RLN1: variants seen among roughly 807,000 people sequenced by gnomAD.
The protein encoded by RLN1 is prorelaxin H1.
Under a neutral mutation model 7.2 loss-of-function variants are expected in RLN1, and 4 were observed. The ratio of observed to expected loss-of-function variants is 0.56; its 90% CI spans 0.28 to 1.28. The LOEUF (loss-of-function observed/expected upper bound fraction) is 1.28, where lower values mean the gene tolerates loss of function less well. Ranked by LOEUF, RLN1 falls within the 50% of genes most tolerant of loss-of-function variation. The pLI is 0.11. For synonymous variants in RLN1, 105 were observed against 86.0 expected (o/e 1.22, Z -1.22); for missense variants, 293 against 221.1 (o/e 1.32, Z -2.06).
upstream of RLN1, among the ~76,000 whole-genome samples, chr9:5,340,154 C>T (rs1036171687): frequency 6.6e-6 from 1 of 152,138 alleles, no homozygotes; most frequent in Admixed American, 6.5e-5. Flanking sequence ...TTCTTACAAC[C>T]CAGTTTTCCA....
chr9:5,339,251 G>A, intron 1 of RLN1: 2 of 269,040 alleles, frequency 7.4e-6, no homozygotes, highest in Non-Finnish European at 1.3e-5. Flanking sequence ...CCGTCGCTCT[G>A]ACTGCCTTAC....
rs1295119730 is a variant in RLN1 at position 5,335,320 on chromosome 9, G to T, written c.489C>A (p.Pro163=). The change falls in exon 2 of 2, where the codon CCC becomes CCA. Residue 163 remains proline, a synonymous_variant. Transcript: ENST00000223862. ...AACATTTCTCAAACAGTGCCACGTA[G>T]GGTCGTCTCTTTTTTTGAGAATGAG... is the stretch of plus-strand genomic sequence containing the variant. The part of the protein sequence containing the change: ...LDTHSQKKRR[P]YVALFEKCCL... The T allele has an allele frequency of 6.2e-7, 1 of 1,611,818 alleles. No individual in the cohort carries two copies. Among genetic ancestry groups the T allele is most frequent in the Admixed American group, 1.7e-5 (1 of 59,606 alleles).
At chr9:5,336,588 C>CA (rs1287755604) in intron 1 of RLN1, among the ~76,000 whole-genome samples, 2 of 152,126 alleles carry the variant, frequency 1.3e-5, no homozygotes, top group African/African-American at 4.8e-5. Context: ...TTCTTGCTGT[C>CA]AAAAAACTTA....
At chr9:5,336,407 C>A (rs749633474) in intron 1 of RLN1, among the ~76,000 whole-genome samples, 1 of 152,026 alleles carries the variant, frequency 6.6e-6, no homozygotes, top group African/African-American at 2.4e-5. Context: ...TGTTCTTACA[C>A]AGCATCCCAG....
chr9:5,337,532 G>C (rs1271548957), intron 1 of RLN1, among the ~76,000 whole-genome samples: 1 of 151,962 alleles, frequency 6.6e-6, no homozygotes, highest in Non-Finnish European at 1.5e-5. Context: ...AAGGGATGCA[G>C]TGAATATTAC....
chr9:5,335,623 T>A, intron 1 of RLN1, 26 bp from the exon 2 acceptor site: 1 of 1,470,636 alleles, frequency 6.8e-7, no homozygotes, highest in Non-Finnish European at 9.4e-7. Context: ...AAAAAGTGTA[T>A]GTGAAGGCGT....
chr9:5,334,953 GTTA>G lies in RLN1; in HGVS notation c.*295_*297del, dbSNP rs1323949683. On this transcript the variant is annotated 3_prime_UTR_variant, in exon 2 of 2. Transcript: ENST00000223862. ...TGTAACTGTTGTTAGGTACTGTATT[GTTA>G]TTATGTATGGTTAAAGTGGCAAAGG... 3.9e-6 allele frequency: 1 copy of G among 254,736 alleles called. No homozygotes were observed. Among genetic ancestry groups the G allele is most frequent in the Non-Finnish European group, 7.4e-6 (1 of 135,820 alleles). The allele number at this position is 254,736 out of a possible 1,614,324, so 15.8% of individuals were successfully genotyped here.
At chr9:5,340,222 A>G (rs1816964444), upstream of RLN1, among the ~76,000 whole-genome samples, 1 of 152,328 alleles carries the variant, frequency 6.6e-6, no homozygotes, top group Admixed American at 6.5e-5. Context: ...TTACCTTATA[A>G]ATTGGATTAA....
Position 5,335,538 on chromosome 9 carries a change from T to C in RLN1, c.271A>G (p.Ile91Val), listed in dbSNP as rs758664795. ...TTCAGCTCCGGTGGCAAATTAGCAA[T>C]GAATTCCAACATGATAATTATAGTT... ...TETIIIMLEF[I>V]ANLPPELKAA... The change falls in exon 2 of 2, where the codon ATT becomes GTT. Residue 91 changes from isoleucine to valine, a missense_variant. Transcript: ENST00000223862. 3 of 1,612,938 alleles carry C rather than the reference T, an allele frequency of 1.9e-6. No homozygotes were observed. Among genetic ancestry groups the C allele is most frequent in the Non-Finnish European group, 1.7e-6 (2 of 1,179,360 alleles).
chr9:5,339,450 G>T, intron 1 of RLN1, 86 bp downstream of exon 1: 2 of 861,518 alleles, frequency 2.3e-6, no homozygotes, highest in Non-Finnish European at 3.6e-6. Context: ...CGAGTCGGAC[G>T]TGCAGGCCGC....
At chr9:5,337,672 G>A (rs780353345) in intron 1 of RLN1, among the ~76,000 whole-genome samples, 8 of 151,904 alleles carry the variant, frequency 5.3e-5, no homozygotes, top group African/African-American at 1.7e-4. Context: ...CTTCCAAAGC[G>A]ATTCCTACCT....
chr9:5,337,671 C>T (rs1816925596), intron 1 of RLN1, among the ~76,000 whole-genome samples: 1 of 151,926 alleles, frequency 6.6e-6, no homozygotes, highest in Middle Eastern at 3.2e-3. Context: ...ACTTCCAAAG[C>T]GATTCCTACC....
chr9:5,335,670 T>C, intron 1 of RLN1, 73 bp from the exon 2 acceptor site: 1 of 880,796 alleles, frequency 1.1e-6, no homozygotes, highest in Non-Finnish European at 1.7e-6. Context: ...ACTGTGAATG[T>C]TTGCATACAC....
rs1176043911 is a variant in RLN1, at chr9:5,339,752, G to A, written c.-6C>T. ...AACAAGAACAGGCGAGGCATCCTGG[G>A]CCTGGTCTCTCCTGGAGGTCTGGGT... On this transcript the variant is annotated 5_prime_UTR_variant, in exon 1 of 2. Transcript: ENST00000223862. 1.9e-6 allele frequency: 3 copies of A among 1,613,554 alleles called. No individual in the cohort carries two copies. Among genetic ancestry groups the A allele is most frequent in the Admixed American group, 1.7e-5 (1 of 60,012 alleles).
rs1301179544 is a variant in RLN1 at position 5,339,555 on chromosome 9, C to G, written c.192G>C (p.Gln64His). Reference protein sequence around the residue: ...KRSLSQEDAPQTPRPVAEIVP... With the variant: ...KRSLSQEDAPHTPRPVAEIVP... ...TCTCACCTGCCACTGGTCTAGGTGT[C>G]TGAGGAGCATCTTCCTGGCTCAGAG... The change falls in exon 1 of 2, where the codon CAG becomes CAC. Residue 64 changes from glutamine to histidine, a missense_variant. Physicochemically the swap from Gln to His is conservative, Grantham distance 24 (BLOSUM62 0). Transcript: ENST00000223862. The G allele has an allele frequency of 6.3e-7, 1 of 1,597,966 alleles. No homozygotes were observed. The highest frequency in any genetic ancestry group is 1.1e-5 in the South Asian group (1 of 89,908).
At position 5,339,704 on chromosome 9, in the gene RLN1, G is replaced by A. The variant is rs142504109; in HGVS notation, c.43C>T (p.Leu15=). 5 of 1,613,334 alleles carry A rather than the reference G, an allele frequency of 3.1e-6. No homozygotes were observed. Among genetic ancestry groups the A allele is most frequent in the Non-Finnish European group, 4.2e-6 (5 of 1,180,030 alleles). Residue 15 remains leucine, a synonymous_variant, in exon 1 of 2, where the codon CTA becomes TTA. Transcript: ENST00000223862. ...FLFHLLEFCL[L]LNQFSRAVAA... Reference sequence around the variant, plus strand: ...ACTGCTCTGGAAAATTGGTTCAGTAGTAAACAGAATTCTAGCAGGTGGAAC... The same window carrying A: ...ACTGCTCTGGAAAATTGGTTCAGTAATAAACAGAATTCTAGCAGGTGGAAC...
Position 5,335,072 on chromosome 9 carries a change from G to A in RLN1, c.*179C>T. On this transcript the variant is annotated 3_prime_UTR_variant, in exon 2 of 2. Coordinates refer to ENST00000223862, the MANE Select transcript of RLN1 (RefSeq NM_006911.4). The stretch of plus-strand genomic sequence containing the variant: ...ACAAAAAGACTTCAGCATAGAAAGT[G>A]TCATTTACAGAAACTACAATCATAC... The A allele has an allele frequency of 2.0e-6, 1 of 497,024 alleles. No homozygotes were observed. Among genetic ancestry groups the A allele is most frequent in the Non-Finnish European group, 3.5e-6 (1 of 285,774 alleles). 30.8% of individuals were successfully genotyped at this position (497,024 alleles called of 1,614,324 possible). A position where few individuals can be genotyped will look rare whatever the true frequency, so the allele number is the denominator to read the frequency against.
upstream of RLN1, among the ~76,000 whole-genome samples, chr9:5,340,405 C>G (rs574891012): frequency 2.6e-5 from 4 of 152,160 alleles, no homozygotes; most frequent in Non-Finnish European, 5.9e-5. Context: ...AAAACAATTT[C>G]TCCATTGGAC....
chr9:5,337,845 A>T (rs1162490655), intron 1 of RLN1, among the ~76,000 whole-genome samples: 1 of 152,082 alleles, frequency 6.6e-6, no homozygotes, highest in Non-Finnish European at 1.5e-5. Context: ...ATCTATATAC[A>T]AATGTGATTA....
Sources: allele counts gnomAD v4.1 joint callset (sites outside exome capture counted in the v4.1 genomes callset), GRCh38; gene constraint gnomAD v4.1.1; transcripts MANE v1.5; gene names NCBI Gene and HGNC (gene_info 2026-07-23, HGNC 2026-07-21).